Variants in MAPRE3 observed in about 807,000 individuals in gnomAD.
MAPRE3 encodes the protein microtubule-associated protein RP/EB family member 3.
MAPRE3 carries 2 observed loss-of-function variants against 30.5 expected under a neutral mutation model. That is an observed-to-expected ratio of 0.07 (90% CI 0.03 to 0.21). The LOEUF is 0.21. MAPRE3 is among the 10% of genes least tolerant of loss of function. The probability of loss-of-function intolerance (pLI) is 1.00; values close to 1 mark genes in which losing one functional copy is unlikely to be tolerated. For missense variants in MAPRE3, 204 were observed against 351.8 expected (o/e 0.58, Z 3.36); for synonymous variants, 110 against 127.7 (o/e 0.86, Z 0.93).
chr2:27,023,694 C>A, intron 3 of MAPRE3: 1 of 579,826 alleles, frequency 1.7e-6, no homozygotes, highest in Admixed American at 2.7e-5. Flanking sequence ...CTTTCCCTTC[C>A]TCCTCTCTGG....
intron 1 of MAPRE3, among the ~76,000 whole-genome samples, chr2:26,971,900 C>T (rs552454985): frequency 2.0e-4 from 31 of 152,274 alleles, no homozygotes; most frequent in African/African-American, 7.2e-4. Context: ...GGGCTGTCAC[C>T]AGATAGGGGT....
chr2:26,976,435 CCAAGAGTA>C (rs1346914249), intron 1 of MAPRE3, among the ~76,000 whole-genome samples: 1 of 152,188 alleles, frequency 6.6e-6, no homozygotes, highest in Non-Finnish European at 1.5e-5. Flanking sequence ...TTCCCTTTGG[CCAAGAGTA>C]CAATTTCGTG....
At chr2:26,984,660 C>A (rs966032358) in intron 1 of MAPRE3, 4 of 152,258 alleles carry the variant, frequency 2.6e-5, no homozygotes, top group Non-Finnish European at 5.9e-5. Context: ...CCTCTTCCCA[C>A]CAGATTACCA....
intron 1 of MAPRE3, among the ~76,000 whole-genome samples, chr2:27,020,935 G>A (rs1558386916): frequency 6.6e-6 from 1 of 152,148 alleles, no homozygotes; most frequent in African/African-American, 2.4e-5. Context: ...CTTCACATCC[G>A]TGGGATCCAC....
Position 26,985,475 on chromosome 2 carries a change from G to C in MAPRE3, c.-8+14673G>C, listed in dbSNP as rs1374400141. 6.6e-6 allele frequency among the ~76,000 whole-genome samples: 1 copy of C among 152,182 alleles called. No homozygotes were observed. Among genetic ancestry groups the C allele is most frequent in the African/African-American group, 2.4e-5 (1 of 41,434 alleles). ...CTGGAGACCCTCCCCACTTGCTCAG[G>C]TGTGGCCCAGACCAGTGCTGTACCA... On this transcript the variant is annotated intron_variant, in intron 1 of 6. Transcript: ENST00000233121. This position sits in a 1 kb window ranked among gnomAD's most constrained non-coding sequence, Gnocchi z 4.2.
chr2:26,997,448 G>A (rs1438419957), intron 1 of MAPRE3, among the ~76,000 whole-genome samples: 2 of 152,148 alleles, frequency 1.3e-5, no homozygotes. Flanking sequence ...GTGACCCAGG[G>A]AAGCCCAAAG....
intron 1 of MAPRE3, among the ~76,000 whole-genome samples, chr2:26,993,636 A>T (rs958337253): frequency 4.6e-5 from 7 of 152,168 alleles, no homozygotes; most frequent in African/African-American, 1.7e-4. Flanking sequence ...CTCCTGCCTG[A>T]TGTCCCTAAC....
chr2:26,995,716 A>T (rs1450744291), intron 1 of MAPRE3, among the ~76,000 whole-genome samples: 1 of 150,948 alleles, frequency 6.6e-6, no homozygotes, highest in Non-Finnish European at 1.5e-5. Context: ...AACAGTTCTT[A>T]AGTAGGTTGG....
intron 1 of MAPRE3, among the ~76,000 whole-genome samples, chr2:27,020,067 C>T (rs10207573): frequency 1.3e-5 from 2 of 152,256 alleles, no homozygotes; most frequent in East Asian, 3.9e-4. Flanking sequence ...TATAGTCCCA[C>T]TGCGCAGGTC....
chr2:27,007,996 A>G lies in MAPRE3; in HGVS notation c.-7-14216A>G, dbSNP rs1467192137. Among the ~76,000 whole-genome samples, 6 of 152,278 alleles carry G rather than the reference A, an allele frequency of 3.9e-5. No homozygotes were observed. In the East Asian group the frequency reaches 9.6e-4, roughly 24 times the overall value. On this transcript the variant is annotated intron_variant, in intron 1 of 6. Coordinates refer to ENST00000233121, the MANE Select transcript of MAPRE3 (RefSeq NM_012326.4). ...TTAAAATATGATGAGTCCTTTCTCT[A>G]TCATGCTTTTGACTATCTCAGTCCT...
chr2:26,977,213 G>T (rs1168266515), intron 1 of MAPRE3, among the ~76,000 whole-genome samples: 1 of 152,206 alleles, frequency 6.6e-6, no homozygotes, highest in Non-Finnish European at 1.5e-5. Context: ...GCTTTCCTTA[G>T]TGCTTGTTGG....
At chr2:26,972,056 A>G (rs1665925028) in intron 1 of MAPRE3, among the ~76,000 whole-genome samples, 1 of 152,238 alleles carries the variant, frequency 6.6e-6, no homozygotes, top group Non-Finnish European at 1.5e-5. Context: ...TAGTGCCCAG[A>G]GCCAGAAACT....
In MAPRE3 at chr2:27,025,168, A is replaced by G. The variant is rs114198331; in HGVS notation, c.470-415A>G. Among the ~76,000 whole-genome samples the G allele has an allele frequency of 8.4e-3, 1,280 of 152,272 alleles. 19 individuals are homozygous for G. Among genetic ancestry groups the G allele is most frequent in the African/African-American group, 0.03 (1,246 of 41,558 alleles). On this transcript the variant is annotated intron_variant, in intron 4 of 6. Transcript: ENST00000233121. Reference sequence around the variant, plus strand: ...CCTGGAGGGGCAGCCACCCAGGGACAATGGCTTTGGGCTGGGGCTTCTGTT... The same window carrying G: ...CCTGGAGGGGCAGCCACCCAGGGACGATGGCTTTGGGCTGGGGCTTCTGTT...
At chr2:26,994,503 C>G (rs1471506568) in intron 1 of MAPRE3, among the ~76,000 whole-genome samples, 2 of 152,228 alleles carry the variant, frequency 1.3e-5, no homozygotes, top group Admixed American at 1.3e-4. Context: ...GACAGTGTTA[C>G]AGTTGCACTA....
Position 26,984,075 on chromosome 2 carries a change from G to A in MAPRE3, c.-8+13273G>A, listed in dbSNP as rs2148200368. 2.0e-5 allele frequency among the ~76,000 whole-genome samples: 3 copies of A among 152,208 alleles called. 1 individual carries two copies. ...CTTGTCTCACCCTCACCCTAATAAT[G>A]TTTGTGTCCATGCATTAGCTTTCCC... On this transcript the variant is annotated intron_variant, in intron 1 of 6. Coordinates refer to ENST00000233121, the MANE Select transcript of MAPRE3 (RefSeq NM_012326.4).
chr2:27,023,271 G>A, intron 2 of MAPRE3, 61 bp from the exon 3 acceptor site: 2 of 1,541,702 alleles, frequency 1.3e-6, no homozygotes, highest in Non-Finnish European at 1.8e-6. Flanking sequence ...GGGGAAGTGA[G>A]AGAGAGCAGC....
intron 1 of MAPRE3, among the ~76,000 whole-genome samples, chr2:27,005,688 TG>T (rs1297756247): frequency 6.6e-6 from 1 of 152,200 alleles, no homozygotes; most frequent in Non-Finnish European, 1.5e-5. Context: ...ATGGGCCAAA[TG>T]GCCTCATTGA....
intron 1 of MAPRE3, among the ~76,000 whole-genome samples, chr2:26,980,392 C>T (rs565295574): frequency 6.6e-6 from 1 of 152,278 alleles, no homozygotes; most frequent in East Asian, 1.9e-4. Context: ...TAATTCTATT[C>T]TTTATCAGCA....
chr2:27,006,961 C>T (rs2148216865), intron 1 of MAPRE3, among the ~76,000 whole-genome samples: 1 of 152,300 alleles, frequency 6.6e-6, no homozygotes, highest in Middle Eastern at 3.4e-3. Context: ...GGTTTGTTTA[C>T]AGATTCCTCT....
Sources: gnomAD v4.1 joint callset for allele counts (sites outside exome capture counted in the v4.1 genomes callset) on GRCh38, gnomAD v4.1.1 for gene constraint, Gnocchi (gnomAD v3.1) non-coding constraint, MANE v1.5 for transcripts, NCBI Gene and HGNC (gene_info 2026-07-23, HGNC 2026-07-21) for gene names.